LAMB3: variants seen among roughly 807,000 people sequenced by gnomAD.
The protein encoded by LAMB3 is laminin subunit beta-3.
In LAMB3, 104 loss-of-function variants were observed where a neutral mutation model predicts 140.3. That is an observed-to-expected ratio of 0.74 (90% confidence interval 0.63 to 0.87). The LOEUF (loss-of-function observed/expected upper bound fraction) is 0.87. LAMB3 is among the 40% of genes least tolerant of loss of function. The probability of loss-of-function intolerance (pLI) is 0.00; values close to 1 mark genes in which losing one functional copy is unlikely to be tolerated. For missense variants in LAMB3, 1,531 were observed against 1,575.2 expected (o/e 0.97, Z 0.47); for synonymous variants, 592 against 602.9 (o/e 0.98, Z 0.26).
At chr1:209,625,333 G>A (rs1199867331) in intron 14 of LAMB3, among the ~76,000 whole-genome samples, 1 of 152,166 alleles carries the variant, frequency 6.6e-6, no homozygotes, top group East Asian at 1.9e-4. Flanking sequence ...GACTAATCCA[G>A]AGCTGACTCT....
intron 3 of LAMB3, among the ~76,000 whole-genome samples, chr1:209,643,559 G>T (rs1041545444): frequency 6.6e-6 from 1 of 152,238 alleles, no homozygotes; most frequent in Non-Finnish European, 1.5e-5. Flanking sequence ...AGAGCCAGGG[G>T]AGGGCAAAGG....
chr1:209,650,082 G>T lies in LAMB3; in HGVS notation c.65C>A (p.Ser22Tyr), dbSNP rs147620922. The T allele has an allele frequency of 1.2e-6, 2 of 1,614,070 alleles. No homozygotes were observed. The highest frequency in any genetic ancestry group is 8.5e-7 in the Non-Finnish European group (1 of 1,180,024). The change falls in exon 3 of 23, where the codon TCC becomes TAC. Residue 22 changes from serine to tyrosine, a missense_variant. By Grantham distance (144) the Ser-to-Tyr change is moderately radical. Transcript: ENST00000356082. ...AACAGGTGGATAGCAGGCCCCACGG[G>T]AGCAGGCTTGTTGGGCATGCAGGAG... ...PGLLHAQQAC[S>Y]RGACYPPVGD... is the part of the protein sequence containing the mutation.
Position 209,623,761 on chromosome 1 carries a change from G to A in LAMB3, c.2138-36C>T, listed in dbSNP as rs775515831. On this transcript the variant is annotated intron_variant, in intron 15 of 22. Transcript: ENST00000356082. This position sits in a 1 kb window ranked among gnomAD's most constrained non-coding sequence, Gnocchi z 4.2. ...AAGCATGAGGAATGGAGATGGAGGAGGAGCAGGAGGGAGAGGGGGTGGCAT... is the reference window on the plus strand; with the variant it reads ...AAGCATGAGGAATGGAGATGGAGGAAGAGCAGGAGGGAGAGGGGGTGGCAT... 1.2e-6 allele frequency: 2 copies of A among 1,613,508 alleles called. No individual in the cohort carries two copies. Among genetic ancestry groups the A allele is most frequent in the South Asian group, 2.2e-5 (2 of 91,062 alleles).
chr1:209,638,029 C>T (rs1442647037), intron 4 of LAMB3, 48 bp from the exon 5 acceptor site: 2 of 1,497,728 alleles, frequency 1.3e-6, no homozygotes, highest in East Asian at 4.6e-5. Flanking sequence ...TGTCCACTTC[C>T]CCAGCCCTGA....
chr1:209,621,069 T>C (rs1188983276), intron 18 of LAMB3, among the ~76,000 whole-genome samples: 1 of 152,140 alleles, frequency 6.6e-6, no homozygotes, highest in Non-Finnish European at 1.5e-5. Flanking sequence ...GAGATACAAG[T>C]ATAAGAGAGA....
chr1:209,623,464 G>A lies in LAMB3; in HGVS notation c.2358+41C>T, dbSNP rs200301248. The A allele has an allele frequency of 6.3e-7, 1 of 1,576,034 alleles. No homozygotes were observed. Among genetic ancestry groups the A allele is most frequent in the Admixed American group, 1.7e-5 (1 of 59,978 alleles). ...CAGCAGTTGGTGTGTGACAAGCTGG[G>A]GTGTGGGCTCCAGGAAGTGGGACTC... is the stretch of plus-strand genomic sequence containing the variant. On this transcript the variant is annotated intron_variant, in intron 16 of 22. Coordinates refer to ENST00000356082, the MANE Select transcript of LAMB3 (RefSeq NM_000228.3). This position sits in a 1 kb window ranked among gnomAD's most constrained non-coding sequence, Gnocchi z 4.2.
intron 3 of LAMB3, among the ~76,000 whole-genome samples, chr1:209,645,400 T>A (rs1255515229): frequency 6.6e-6 from 1 of 152,114 alleles, no homozygotes; most frequent in Non-Finnish European, 1.5e-5. Flanking sequence ...TAGACCTGCT[T>A]AGGGCTTCTG....
chr1:209,644,672 T>A (rs2076500328), intron 3 of LAMB3, among the ~76,000 whole-genome samples: 11 of 152,028 alleles, frequency 7.2e-5, no homozygotes, highest in Admixed American at 7.2e-4. Flanking sequence ...CACTTGGCAA[T>A]CACTGAAAAT....
intron 6 of LAMB3, among the ~76,000 whole-genome samples, chr1:209,634,086 A>C (rs1666796497): frequency 6.6e-6 from 1 of 152,140 alleles, no homozygotes; most frequent in Non-Finnish European, 1.5e-5. Flanking sequence ...AATTTGTGTA[A>C]TTTGCTCACT....
In LAMB3 at chr1:209,626,940, G is replaced by A; in HGVS notation, c.1524C>T (p.Gly508=). The change falls in exon 13 of 23, where the codon GGC becomes GGT. Residue 508 remains glycine (G), a synonymous_variant. Transcript: ENST00000356082. The part of the protein sequence containing the change: ...GQCPCREGFG[G]LMCSAAAIRQ... ...GGATGGCTGCAGCGCTGCACATCAG[G>A]CCACCAAAGCCTTCCCGACAGGGGC... 2 of 1,613,822 alleles carry A rather than the reference G, an allele frequency of 1.2e-6. No individual in the cohort carries two copies. Among genetic ancestry groups the A allele is most frequent in the South Asian group, 1.1e-5 (1 of 91,018 alleles).
chr1:209,625,515 TGAAA>T, intron 14 of LAMB3, 129 bp downstream of exon 14: 2 of 1,192,396 alleles, frequency 1.7e-6, no homozygotes, highest in African/African-American at 1.5e-5. Flanking sequence ...TTGTAATGGT[TGAAA>T]GAGAGAGCAC....
intron 5 of LAMB3, among the ~76,000 whole-genome samples, 189 bp downstream of exon 5, chr1:209,637,719 G>A (rs985021886): frequency 2.0e-5 from 3 of 152,154 alleles, no homozygotes; most frequent in South Asian, 2.1e-4. Context: ...ACCACTGCAC[G>A]GCCAAGACAG....
At chr1:209,632,937 A>G in intron 7 of LAMB3, 133 bp downstream of exon 7, 1 of 1,030,204 alleles carries the variant, frequency 9.7e-7, no homozygotes, top group South Asian at 1.3e-5. Context: ...CTATGGGGCA[A>G]GCAGGGCAAG....
At chr1:209,627,996 G>T (rs1255855468) in intron 11 of LAMB3, 39 bp downstream of exon 11, 2 of 1,568,450 alleles carry the variant, frequency 1.3e-6, no homozygotes, top group South Asian at 2.3e-5. Context: ...GCCCCATGCA[G>T]CCCACCCCAC....
intron 18 of LAMB3, among the ~76,000 whole-genome samples, chr1:209,622,094 T>G (rs114569764): frequency 0.02 from 3,087 of 152,036 alleles, 104 homozygotes; most frequent in African/African-American, 0.069. Flanking sequence ...AAAGAGCAAA[T>G]AAACATCCCT....
At chr1:209,618,425 A>T (rs1251142631) in intron 19 of LAMB3, 27 bp downstream of exon 19, 19 of 1,609,360 alleles carry the variant, frequency 1.2e-5, no homozygotes, top group Non-Finnish European at 1.6e-5. Context: ...TCCTGGGCAG[A>T]GAGAAGTTCA....
At chr1:209,621,078 G>A (rs1666172331) in intron 18 of LAMB3, among the ~76,000 whole-genome samples, 1 of 152,238 alleles carries the variant, frequency 6.6e-6, no homozygotes, top group African/African-American at 2.4e-5. Context: ...GTATAAGAGA[G>A]AGGACAAAAG....
chr1:209,620,563 G>A (rs890850127), intron 18 of LAMB3, among the ~76,000 whole-genome samples: 28 of 152,350 alleles, frequency 1.8e-4, no homozygotes, highest in African/African-American at 4.6e-4. Context: ...TGTCTATGCC[G>A]TAAAGCAATA....
At chr1:209,624,126 CAG>C (rs2102416807) in intron 14 of LAMB3, 126 bp from the exon 15 acceptor site, 2 of 778,088 alleles carry the variant, frequency 2.6e-6, no homozygotes, top group East Asian at 5.3e-5. Flanking sequence ...GGCAACAGAA[CAG>C]AGAATCCACA....
Sources: gnomAD v4.1 joint callset for allele counts (sites outside exome capture counted in the v4.1 genomes callset) on GRCh38, gnomAD v4.1.1 for gene constraint, Gnocchi (gnomAD v3.1) non-coding constraint, MANE v1.5 for transcripts, NCBI Gene and HGNC (gene_info 2026-07-23, HGNC 2026-07-21) for gene names.